Variants in CACNA1A observed in about 807,000 individuals in gnomAD.
The protein encoded by CACNA1A is voltage-dependent P/Q-type calcium channel subunit alpha-1A.
Under a neutral mutation model 262.4 loss-of-function variants are expected in CACNA1A, and 57 were observed. That is an observed-to-expected ratio of 0.22 (90% CI 0.18 to 0.27). CACNA1A has a LOEUF of 0.27. Among genes scored for constraint, CACNA1A ranks in the 10% least tolerant of loss-of-function variants. The probability of loss-of-function intolerance (pLI) is 1.00; values close to 1 mark genes in which losing one functional copy is unlikely to be tolerated. For synonymous variants in CACNA1A, 1,431 were observed against 1,419.3 expected, an observed-to-expected ratio of 1.01 and a Z score of -0.18; for missense variants, 2,526 against 3,562.8, an observed-to-expected ratio of 0.71 and a Z score of 7.41.
chr19:13,444,656 C>A lies in CACNA1A; in HGVS notation c.539+8220G>T, dbSNP rs1252895920. 7.2e-5 allele frequency among the ~76,000 whole-genome samples: 11 copies of A among 152,134 alleles called. No homozygotes were observed. In the East Asian group the frequency reaches 1.7e-3, roughly 24 times the overall value. ...AGAGAGCTGGGCTCTAGTGGCAGAACCTGAGGGGTGATATTAAACATTTAT... is the reference window on the plus strand; with the variant it reads ...AGAGAGCTGGGCTCTAGTGGCAGAAACTGAGGGGTGATATTAAACATTTAT... On this transcript the variant is annotated intron_variant, in intron 3 of 46. Coordinates refer to ENST00000360228, the MANE Select transcript of CACNA1A (RefSeq NM_001127222.2).
chr19:13,250,510 C>T (rs1257598857), intron 30 of CACNA1A, among the ~76,000 whole-genome samples: 2 of 152,190 alleles, frequency 1.3e-5, no homozygotes, highest in African/African-American at 4.8e-5. Context: ...GATTCTCCTG[C>T]CTCAGCCTCC....
chr19:13,478,484 A>G (rs1978838148), intron 1 of CACNA1A, among the ~76,000 whole-genome samples: 1 of 151,950 alleles, frequency 6.6e-6, no homozygotes, highest in Non-Finnish European at 1.5e-5. Context: ...CGTCCAGCCA[A>G]TTTTTTATTT....
chr19:13,327,591 T>C (rs1337198418), intron 10 of CACNA1A, among the ~76,000 whole-genome samples: 1 of 151,646 alleles, frequency 6.6e-6, no homozygotes, highest in Non-Finnish European at 1.5e-5. Flanking sequence ...TTTTATTTTT[T>C]TGATGGAGTT....
chr19:13,372,964 AAC>A (rs1484743645), intron 3 of CACNA1A, among the ~76,000 whole-genome samples: 1 of 152,168 alleles, frequency 6.6e-6, no homozygotes, highest in African/African-American at 2.4e-5. Context: ...TTGCTGTTGA[AAC>A]ACAGGGTCCC....
Position 13,207,987 on chromosome 19 carries a change from G to C in CACNA1A, c.6847C>G (p.Arg2283Gly). The change falls in exon 47 of 47, where the codon CGC becomes GGC. Residue 2283 changes from arginine (R) to glycine (G), a missense_variant. Coordinates refer to ENST00000360228, the MANE Select transcript of CACNA1A (RefSeq NM_001127222.2). The surrounding 1 kb of genome is among the most constrained non-coding windows in gnomAD (Gnocchi z 5.7). ...TSGTSTPRRG[R>G]RQLPQTPSTP... ...GAGGGGGTCTGGGGGAGCTGGCGGC[G>C]GCCCCGCCGCGGAGTGCTGGTACCA... 1 of 1,335,676 alleles carries C rather than the reference G, an allele frequency of 7.5e-7. No homozygotes were observed. The highest frequency in any genetic ancestry group is 9.5e-7 in the Non-Finnish European group (1 of 1,047,834). 82.7% of individuals were successfully genotyped at this position (1,335,676 alleles called of 1,614,324 possible). A position where few individuals can be genotyped will look rare whatever the true frequency, so the allele number is the denominator to read the frequency against.
intron 1 of CACNA1A, among the ~76,000 whole-genome samples, chr19:13,485,821 G>C (rs981923762): frequency 1.3e-5 from 2 of 152,182 alleles, no homozygotes; most frequent in South Asian, 4.1e-4. Flanking sequence ...TTTAGTCAAG[G>C]TGAAAATGTA....
chr19:13,440,428 C>A (rs2060697053), intron 3 of CACNA1A, among the ~76,000 whole-genome samples: 1 of 152,148 alleles, frequency 6.6e-6, no homozygotes, highest in South Asian at 2.1e-4. Context: ...ATTGGGAACC[C>A]AACTAATAAT....
chr19:13,210,886 AGAG>A (rs1405424104), intron 43 of CACNA1A: 1 of 588,818 alleles, frequency 1.7e-6, no homozygotes, highest in Non-Finnish European at 3.0e-6. Flanking sequence ...CCATGGGTAC[AGAG>A]GAGACAGACA....
chr19:13,432,275 C>T (rs1466979386), intron 3 of CACNA1A, among the ~76,000 whole-genome samples: 1 of 151,276 alleles, frequency 6.6e-6, no homozygotes, highest in Non-Finnish European at 1.5e-5. Flanking sequence ...ATTAGCCGGG[C>T]CTGGTGGCAA....
In CACNA1A at chr19:13,284,779, G is replaced by A. The variant is rs998938537; in HGVS notation, c.3692+289C>T. ...TTGTTTATTTATGACAAATTTATTT[G>A]TTGTTTAGGACAAATTTATTTGTTT... On this transcript the variant is annotated intron_variant, in intron 21 of 46. Coordinates refer to ENST00000360228, the MANE Select transcript of CACNA1A (RefSeq NM_001127222.2). 2.6e-5 allele frequency among the ~76,000 whole-genome samples: 4 copies of A among 152,098 alleles called. No homozygotes were observed. The East Asian group carries it at 7.7e-4, about 29-fold the overall frequency.
At chr19:13,505,657 T>C (rs1021329668) in intron 1 of CACNA1A, among the ~76,000 whole-genome samples, 1 of 151,260 alleles carries the variant, frequency 6.6e-6, no homozygotes, top group African/African-American at 2.4e-5. Context: ...GCCCCAGATC[T>C]CATTCTAGAG....
At chr19:13,296,596 G>C (rs1245672964) in intron 19 of CACNA1A, among the ~76,000 whole-genome samples, 2 of 152,096 alleles carry the variant, frequency 1.3e-5, no homozygotes, top group South Asian at 4.1e-4. Context: ...ACTATGTTGC[G>C]CAGGCTGGTC....
chr19:13,287,519 T>TTTTC (rs772125563), intron 19 of CACNA1A, among the ~76,000 whole-genome samples: 14 of 152,162 alleles, frequency 9.2e-5, no homozygotes, highest in South Asian at 2.1e-4. Flanking sequence ...ATCTTATTTC[T>TTTTC]TTTCTTTCTT....
At chr19:13,267,229 G>T (rs1299281442) in intron 24 of CACNA1A, among the ~76,000 whole-genome samples, 1 of 152,178 alleles carries the variant, frequency 6.6e-6, no homozygotes, top group African/African-American at 2.4e-5. Context: ...GAGACAGATC[G>T]TAAGTGGCCT....
At chr19:13,277,384 A>T (rs1476075318) in intron 22 of CACNA1A, 1 of 359,272 alleles carries the variant, frequency 2.8e-6, no homozygotes, top group Admixed American at 4.1e-5. Context: ...GTACTAGGCC[A>T]GTTCGCTAAC....
chr19:13,312,977 A>G (rs1365845343), intron 11 of CACNA1A, among the ~76,000 whole-genome samples, 196 bp from the exon 12 acceptor site: 1 of 152,088 alleles, frequency 6.6e-6, no homozygotes, highest in Non-Finnish European at 1.5e-5. Context: ...AACATGCTAG[A>G]ACTACAGGCA....
chr19:13,492,194 T>A (rs555242181), intron 1 of CACNA1A, among the ~76,000 whole-genome samples: 4 of 152,112 alleles, frequency 2.6e-5, no homozygotes, highest in Non-Finnish European at 5.9e-5. Context: ...CACAGAGCCA[T>A]GACATGCCTC....
chr19:13,436,559 C>CCACTCATT (rs1568643114), intron 3 of CACNA1A, among the ~76,000 whole-genome samples: 1 of 151,758 alleles, frequency 6.6e-6, no homozygotes, highest in Non-Finnish European at 1.5e-5. Flanking sequence ...ATTCATTCAT[C>CCACTCATT]CACTCACTCA....
intron 28 of CACNA1A, among the ~76,000 whole-genome samples, chr19:13,255,709 C>CTCCCTCCCTCCTTCTCTCCT (rs2056535294): frequency 1.1e-5 from 1 of 93,706 alleles, no homozygotes; most frequent in East Asian, 4.2e-4. Context: ...CCTTCCTTCC[C>CTCCCTCCCTCCTTCTCTCCT]TCCCTCCCTC....
Sources: gnomAD v4.1 joint callset for allele counts (sites outside exome capture counted in the v4.1 genomes callset) on GRCh38, gnomAD v4.1.1 for gene constraint, Gnocchi (gnomAD v3.1) non-coding constraint, MANE v1.5 for transcripts, NCBI Gene and HGNC (gene_info 2026-07-23, HGNC 2026-07-21) for gene names.